FGGY: variants seen among roughly 807,000 people sequenced by gnomAD.
The protein encoded by FGGY is FGGY carbohydrate kinase domain containing.
A neutral mutation model predicts 71.3 loss-of-function variants in FGGY; 72 were observed. That is an observed-to-expected ratio of 1.01 (90% confidence interval 0.84 to 1.23). The LOEUF (loss-of-function observed/expected upper bound fraction) is 1.23. Among genes scored for constraint, FGGY ranks in the 50% most tolerant of loss-of-function variants. The probability of loss-of-function intolerance (pLI) is 0.00; values close to 1 mark genes in which losing one functional copy is unlikely to be tolerated. For synonymous variants in FGGY, 251 were observed against 250.3 expected, an observed-to-expected ratio of 1.00 and a Z score of -0.02; for missense variants, 668 against 682.3, an observed-to-expected ratio of 0.98 and a Z score of 0.23.
intron 8 of FGGY, among the ~76,000 whole-genome samples, chr1:59,557,132 A>G (rs1371318307): frequency 1.3e-5 from 2 of 152,152 alleles, no homozygotes; most frequent in African/African-American, 4.8e-5. Context: ...GGAGAGGTGC[A>G]GGTCTGAGGA....
chr1:59,306,113 G>A (rs1342689521), intron 1 of FGGY, among the ~76,000 whole-genome samples: 5 of 152,166 alleles, frequency 3.3e-5, no homozygotes, highest in Admixed American at 3.3e-4. Context: ...CCAATGTCAT[G>A]AGAATCTTTG....
intron 5 of FGGY, among the ~76,000 whole-genome samples, chr1:59,405,287 G>A (rs1291622121): frequency 1.3e-5 from 2 of 152,202 alleles, no homozygotes; most frequent in Non-Finnish European, 2.9e-5. Flanking sequence ...AATGAACAGA[G>A]AGCTAAATTA....
chr1:59,760,108 C>T (rs1003311744), intron 15 of FGGY, among the ~76,000 whole-genome samples: 1 of 152,078 alleles, frequency 6.6e-6, no homozygotes, highest in Non-Finnish European at 1.5e-5. Flanking sequence ...TCAACAACAA[C>T]AAAAAAGCAA....
At chr1:59,464,421 C>T (rs2092471152) in intron 6 of FGGY, among the ~76,000 whole-genome samples, 1 of 152,112 alleles carries the variant, frequency 6.6e-6, no homozygotes, top group Non-Finnish European at 1.5e-5. Context: ...CAGGAAAGAT[C>T]CAAAATTGAC....
intron 5 of FGGY, among the ~76,000 whole-genome samples, chr1:59,409,949 G>A (rs975532970): frequency 1.3e-5 from 2 of 152,146 alleles, no homozygotes; most frequent in African/African-American, 2.4e-5. Context: ...GCAATACAGA[G>A]GGTTAGGTAA....
intron 1 of FGGY, among the ~76,000 whole-genome samples, chr1:59,299,947 C>T (rs1215813505): frequency 6.6e-6 from 1 of 152,056 alleles, no homozygotes; most frequent in Non-Finnish European, 1.5e-5. Flanking sequence ...AAAAAGCTTG[C>T]TTTATGAGGA....
intron 8 of FGGY, among the ~76,000 whole-genome samples, chr1:59,563,975 C>G (rs926265637): frequency 6.6e-6 from 1 of 152,154 alleles, no homozygotes; most frequent in Non-Finnish European, 1.5e-5. Flanking sequence ...GTTGGGAAAA[C>G]TGGCTAGCCA....
intron 5 of FGGY, among the ~76,000 whole-genome samples, chr1:59,455,546 T>C (rs904755218): frequency 5.3e-5 from 8 of 152,174 alleles, no homozygotes; most frequent in African/African-American, 1.9e-4. Flanking sequence ...GCATTGGACT[T>C]TGTCCTGAAG....
At chr1:59,368,573 T>A (rs1180650073) in intron 4 of FGGY, among the ~76,000 whole-genome samples, 1 of 152,218 alleles carries the variant, frequency 6.6e-6, no homozygotes, top group African/African-American at 2.4e-5. Flanking sequence ...TGTGGAGGAC[T>A]TAGAGGACGA....
At chr1:59,315,252 T>G (rs78928194) in intron 1 of FGGY, among the ~76,000 whole-genome samples, 2,317 of 150,858 alleles carry the variant, frequency 0.015, 43 homozygotes, top group African/African-American at 0.054. Flanking sequence ...TGTCATTTGT[T>G]AGCCAAGGTA....
chr1:59,649,972 T>A (rs1246477206), intron 11 of FGGY, among the ~76,000 whole-genome samples: 2 of 147,648 alleles, frequency 1.4e-5, no homozygotes, highest in Non-Finnish European at 1.5e-5. Flanking sequence ...GGTTGTTGAA[T>A]TTTGTCAAAG....
intron 7 of FGGY, among the ~76,000 whole-genome samples, chr1:59,535,110 A>T (rs1340141573): frequency 6.6e-6 from 1 of 152,212 alleles, no homozygotes; most frequent in Non-Finnish European, 1.5e-5. Context: ...AGACACACAT[A>T]GACTCAAAAT....
At chr1:59,395,892 C>T (rs2061266253) in intron 5 of FGGY, among the ~76,000 whole-genome samples, 1 of 152,080 alleles carries the variant, frequency 6.6e-6, no homozygotes, top group African/African-American at 2.4e-5. Flanking sequence ...TACTAATTAG[C>T]TTAGTACTTG....
At chr1:59,499,299 G>GTTTTTTTCTTT in intron 6 of FGGY, among the ~76,000 whole-genome samples, 1 of 105,820 alleles carries the variant, frequency 9.5e-6, no homozygotes, top group South Asian at 3.0e-4. Flanking sequence ...TACTATGTTT[G>GTTTTTTTCTTT]TTTTTTTTTT....
intron 14 of FGGY, among the ~76,000 whole-genome samples, chr1:59,728,193 T>G (rs2097972848): frequency 6.6e-6 from 1 of 152,112 alleles, no homozygotes; most frequent in Non-Finnish European, 1.5e-5. Flanking sequence ...GCATATCAAT[T>G]ATACTTCTTT....
intron 14 of FGGY, chr1:59,680,884 G>A (rs1360211243): frequency 6.6e-6 from 1 of 152,162 alleles, no homozygotes; most frequent in Non-Finnish European, 1.5e-5. Context: ...TGCTAGGGAA[G>A]TACACTATGG....
chr1:59,722,573 CTT>C (rs1250336735), intron 14 of FGGY, among the ~76,000 whole-genome samples: 2 of 152,158 alleles, frequency 1.3e-5, no homozygotes, highest in African/African-American at 4.8e-5. Context: ...TCCAGTACTA[CTT>C]TGTTTTGTTA....
At chr1:59,644,975 CA>C (rs397940421) in intron 11 of FGGY, among the ~76,000 whole-genome samples, 220 of 133,342 alleles carry the variant, frequency 1.6e-3, no homozygotes, top group Admixed American at 2.7e-3. Flanking sequence ...GGCTCCATCT[CA>C]AAAAAAAAAA....
At chr1:59,729,261 CATT>C (rs1351661146) in intron 14 of FGGY, among the ~76,000 whole-genome samples, 5 of 151,832 alleles carry the variant, frequency 3.3e-5, no homozygotes, top group Admixed American at 2.0e-4. Flanking sequence ...TCTCTCGTTA[CATT>C]GTCCGTTTGT....
Sources: allele counts gnomAD v4.1 joint callset (sites outside exome capture counted in the v4.1 genomes callset), GRCh38; gene constraint gnomAD v4.1.1; transcripts MANE v1.5; gene names NCBI Gene and HGNC (gene_info 2026-07-23, HGNC 2026-07-21).